The following BIRC6 variants were observed in gnomAD, a reference collection of about 807,000 sequenced individuals.
BIRC6 encodes baculoviral IAP repeat containing 6.
Under a neutral mutation model 503.3 loss-of-function variants are expected in BIRC6, and 98 were observed. The observed-to-expected ratio is 0.19, with a 90% confidence interval of 0.17 to 0.23. The LOEUF (loss-of-function observed/expected upper bound fraction) is 0.23, where lower values mean the gene tolerates loss of function less well. Ranked by LOEUF, BIRC6 falls within the 10% of genes least tolerant of loss-of-function variation. BIRC6 has a pLI of 1.00. For synonymous variants in BIRC6, 2,240 were observed against 2,078.7 expected (o/e 1.08, Z -2.11); for missense variants, 5,360 against 5,806.0 (o/e 0.92, Z 2.50).
chr2:32,489,542 T>C (rs1464672096), intron 42 of BIRC6, among the ~76,000 whole-genome samples: 1 of 152,086 alleles, frequency 6.6e-6, no homozygotes, highest in Non-Finnish European at 1.5e-5. Context: ...CTGGGCACAG[T>C]GGCTCACACC....
chr2:32,471,789 A>G lies in BIRC6; in HGVS notation c.6592+665A>G, dbSNP rs73922729. On this transcript the variant is annotated intron_variant, in intron 32 of 73. Coordinates refer to ENST00000421745, the MANE Select transcript of BIRC6 (RefSeq NM_016252.4). ...AAGCCATTGAGATATGTAAGCCTAC[A>G]TATGCTTACATATGGCTTACATGTA... Among the ~76,000 whole-genome samples the G allele has an allele frequency of 6.2e-3, 944 of 152,262 alleles. 10 individuals are homozygous for G. Among genetic ancestry groups the G allele is most frequent in the African/African-American group, 0.022 (898 of 41,556 alleles).
At chr2:32,381,670 C>G (rs1003229085) in intron 3 of BIRC6, among the ~76,000 whole-genome samples, 1 of 151,054 alleles carries the variant, frequency 6.6e-6, no homozygotes, top group African/African-American at 2.4e-5. Flanking sequence ...CTCAGCCTCC[C>G]GAGTAGCTGG....
chr2:32,571,872 T>G (rs1252088666), intron 65 of BIRC6, among the ~76,000 whole-genome samples: 2 of 152,172 alleles, frequency 1.3e-5, no homozygotes, highest in Admixed American at 1.3e-4. Flanking sequence ...GCTATACACT[T>G]CTCTCTCTTT....
At chr2:32,391,960 TA>T in intron 4 of BIRC6, 78 bp from the exon 5 acceptor site, 2 of 957,692 alleles carry the variant, frequency 2.1e-6, no homozygotes, top group Non-Finnish European at 3.1e-6. Context: ...CCAGTAAAAT[TA>T]TTTTTTGCAT....
intron 32 of BIRC6, among the ~76,000 whole-genome samples, chr2:32,472,362 C>T (rs1208373793): frequency 1.3e-5 from 2 of 152,086 alleles, no homozygotes; most frequent in Non-Finnish European, 2.9e-5. Context: ...AGCTACTGCA[C>T]CTGGCTGAGA....
At position 32,390,225 on chromosome 2, in the gene BIRC6, C is replaced by T. The variant is rs150795282; in HGVS notation, c.839+1282C>T. 5.5e-3 allele frequency among the ~76,000 whole-genome samples: 834 copies of T among 151,736 alleles called. 9 individuals carry two copies. The highest frequency in any genetic ancestry group is 0.019 in the African/African-American group (779 of 41,374). ...TCGCTCTGTTGCCCAGGCTGGAGTT[C>T]AGTGGCATGATCTTGGCTCACTGCG... On this transcript the variant is annotated intron_variant, in intron 4 of 73. Coordinates refer to ENST00000421745, the MANE Select transcript of BIRC6 (RefSeq NM_016252.4).
Position 32,491,546 on chromosome 2 carries a change from A to G in BIRC6, c.8328A>G (p.Gln2776=), listed in dbSNP as rs147703050. The change falls in exon 44 of 74, where the codon CAA becomes CAG. Residue 2776 remains glutamine (Q), a synonymous_variant. Transcript: ENST00000421745. ...LSGTSPHGTN[Q]HSPQVGPTAT... is the part of the protein sequence containing the mutation. ...GCACCAGTCCACATGGAACAAATCA[A>G]CACAGTCCACAGGTAATATGATGTT... 4.5e-5 allele frequency: 72 copies of G among 1,613,240 alleles called. No homozygotes were observed. Among genetic ancestry groups the G allele is most frequent in the Non-Finnish European group, 5.8e-5 (68 of 1,179,590 alleles).
chr2:32,522,392 T>G (rs2055823720), intron 57 of BIRC6: 1 of 152,140 alleles, frequency 6.6e-6, no homozygotes, highest in Non-Finnish European at 1.5e-5. Flanking sequence ...TTGTTGCTTT[T>G]AGACTTGCTT....
chr2:32,577,518 C>T lies in BIRC6; in HGVS notation c.13355+2152C>T, dbSNP rs1419797314. 2.6e-5 allele frequency among the ~76,000 whole-genome samples: 4 copies of T among 151,992 alleles called. No homozygotes were observed. The East Asian group carries it at 7.7e-4, about 29-fold the overall frequency. On this transcript the variant is annotated intron_variant, in intron 66 of 73. Coordinates refer to ENST00000421745, the MANE Select transcript of BIRC6 (RefSeq NM_016252.4). ...AAATAAAACCAGTAAATAATAATAT[C>T]CTTCTTTAAACTGTGTATTTCCTTA... is the stretch of plus-strand genomic sequence containing the variant.
chr2:32,361,936 C>G (rs1021831143), intron 1 of BIRC6, among the ~76,000 whole-genome samples: 1 of 152,076 alleles, frequency 6.6e-6, no homozygotes, highest in Non-Finnish European at 1.5e-5. Context: ...ATTCACATAC[C>G]GGAGGACATC....
At chr2:32,522,831 C>T (rs1421518001) in intron 57 of BIRC6, 1 of 152,098 alleles carries the variant, frequency 6.6e-6, no homozygotes, top group Non-Finnish European at 1.5e-5. Flanking sequence ...TCTTGAAGAC[C>T]CTGTATAGAT....
chr2:32,441,609 A>T (rs867585270), intron 17 of BIRC6, 147 bp downstream of exon 17: 5 of 718,978 alleles, frequency 7.0e-6, no homozygotes, highest in Middle Eastern at 8.4e-4. Context: ...TGATGAGAAT[A>T]TGAGTTGTCT....
At chr2:32,529,383 C>T (rs1374329763) in intron 59 of BIRC6, 2 of 306,436 alleles carry the variant, frequency 6.5e-6, no homozygotes, top group African/African-American at 2.2e-5. Context: ...AAAAATGTCC[C>T]ACATCAGATT....
intron 19 of BIRC6, among the ~76,000 whole-genome samples, chr2:32,443,045 T>G (rs2045592350): frequency 6.6e-6 from 1 of 152,182 alleles, no homozygotes; most frequent in Non-Finnish European, 1.5e-5. Flanking sequence ...CAATAACTAC[T>G]AATAAAATAG....
chr2:32,536,791 T>C (rs966901103), intron 61 of BIRC6, among the ~76,000 whole-genome samples: 3 of 152,198 alleles, frequency 2.0e-5, no homozygotes, highest in Non-Finnish European at 4.4e-5. Flanking sequence ...CAATGCGGGC[T>C]CTTTTTTGGT....
In BIRC6 at chr2:32,477,373, T is replaced by C; in HGVS notation, c.6858T>C (p.Phe2286=). 6.2e-7 allele frequency: 1 copy of C among 1,613,762 alleles called. No individual in the cohort carries two copies. The highest frequency in any genetic ancestry group is 1.6e-4 in the Middle Eastern group (1 of 6,062). Reference sequence around the variant, plus strand: ...CTATACATTTTTGTGTGCAGCACTTTAAGGATTTAATTCGTTTACGTCGGA... The same window carrying C: ...CTATACATTTTTGTGTGCAGCACTTCAAGGATTTAATTCGTTTACGTCGGA... ...AKLKQATSKH[F]KDLIRLRRTA... The change falls in exon 35 of 74, where the codon TTT becomes TTC. Residue 2286 remains phenylalanine (F), a synonymous_variant. Transcript: ENST00000421745.
chr2:32,367,767 G>T (rs2035177346), intron 1 of BIRC6, among the ~76,000 whole-genome samples: 1 of 152,138 alleles, frequency 6.6e-6, no homozygotes. Flanking sequence ...AGTCAGTCTA[G>T]ATCACAGCAC....
At chr2:32,370,685 T>G (rs2035800626) in intron 1 of BIRC6, among the ~76,000 whole-genome samples, 1 of 152,218 alleles carries the variant, frequency 6.6e-6, no homozygotes, top group Admixed American at 6.5e-5. Flanking sequence ...ATTTTGTACC[T>G]TCTTTTTAAA....
In BIRC6 at chr2:32,429,223, C is replaced by T. The variant is rs2043843459; in HGVS notation, c.2950C>T (p.Leu984Phe). ...DEADILVDGSLSKGIEPSSEG... is the reference protein window; with the variant it reads ...DEADILVDGSFSKGIEPSSEG... ...AGCTGATATACTAGTGGATGGATCT[C>T]TTTCTAAAGGAATAGAACCATCTTC... is the stretch of plus-strand genomic sequence containing the variant. The change falls in exon 11 of 74, where the codon CTT becomes TTT. Residue 984 changes from leucine (L) to phenylalanine (F), a missense_variant. Transcript: ENST00000421745. The T allele has an allele frequency of 6.4e-7, 1 of 1,568,150 alleles. No individual in the cohort carries two copies. Among genetic ancestry groups the T allele is most frequent in the South Asian group, 1.2e-5 (1 of 85,150 alleles).
Sources: gnomAD v4.1 joint callset for allele counts (sites outside exome capture counted in the v4.1 genomes callset) on GRCh38, gnomAD v4.1.1 for gene constraint, MANE v1.5 for transcripts, NCBI Gene and HGNC (gene_info 2026-07-23, HGNC 2026-07-21) for gene names.